RCAN1: variants seen among roughly 807,000 people sequenced by gnomAD.
RCAN1 encodes regulator of calcineurin 1.
Under a neutral mutation model 22.9 loss-of-function variants are expected in RCAN1, and 11 were observed. The ratio of observed to expected loss-of-function variants is 0.48; its 90% CI spans 0.30 to 0.79. RCAN1 has a LOEUF of 0.79. Ranked by LOEUF, RCAN1 falls within the 30% of genes least tolerant of loss-of-function variation. RCAN1 has a pLI of 0.06. For missense variants in RCAN1, 291 were observed against 337.8 expected (o/e 0.86, Z 1.09); for synonymous variants, 136 against 142.3 (o/e 0.96, Z 0.32).
chr21:34,538,360 C>T (rs1207060734), intron 1 of RCAN1, among the ~76,000 whole-genome samples: 1 of 152,120 alleles, frequency 6.6e-6, no homozygotes, highest in Non-Finnish European at 1.5e-5. Context: ...TTAAGAAACG[C>T]TCCCTGTTGG....
intron 1 of RCAN1, among the ~76,000 whole-genome samples, chr21:34,571,075 C>T (rs1359932165): frequency 3.3e-5 from 5 of 152,108 alleles, no homozygotes; most frequent in Admixed American, 1.3e-4. Flanking sequence ...AGGCAGATCA[C>T]CTGAAGTCGG....
chr21:34,539,415 G>A (rs1173111752), intron 1 of RCAN1, among the ~76,000 whole-genome samples: 6 of 152,132 alleles, frequency 3.9e-5, no homozygotes, highest in African/African-American at 7.2e-5. Context: ...ACAAAGCAAT[G>A]TTTATTGTTC....
chr21:34,531,523 C>T (rs575526726), intron 1 of RCAN1, among the ~76,000 whole-genome samples: 5 of 152,174 alleles, frequency 3.3e-5, no homozygotes, highest in Non-Finnish European at 7.3e-5. Context: ...CAACTGGCCT[C>T]GCTTGGCCTG....
intron 1 of RCAN1, among the ~76,000 whole-genome samples, chr21:34,601,471 G>T (rs1053116555): frequency 6.6e-6 from 1 of 152,154 alleles, no homozygotes; most frequent in Non-Finnish European, 1.5e-5. Context: ...GCTGTACATT[G>T]ATGTAGTTTA....
intron 1 of RCAN1, among the ~76,000 whole-genome samples, chr21:34,601,317 C>T (rs996474035): frequency 2.0e-5 from 3 of 152,184 alleles, no homozygotes; most frequent in African/African-American, 7.2e-5. Flanking sequence ...ATCCTCACAA[C>T]ACAACCCCAG....
intron 1 of RCAN1, among the ~76,000 whole-genome samples, chr21:34,610,395 ATCTC>A (rs780288886): frequency 4.4e-4 from 67 of 152,280 alleles, no homozygotes; most frequent in Admixed American, 9.8e-4. Context: ...CAAATGCCCC[ATCTC>A]CTGGTCTGTG....
intron 1 of RCAN1, among the ~76,000 whole-genome samples, chr21:34,612,633 G>A (rs889147033): frequency 6.6e-6 from 1 of 152,238 alleles, no homozygotes; most frequent in African/African-American, 2.4e-5. Context: ...GCTGTCCTTT[G>A]AGTTCTGCCA....
At chr21:34,613,220 C>G (rs550772427) in intron 1 of RCAN1, among the ~76,000 whole-genome samples, 1 of 152,214 alleles carries the variant, frequency 6.6e-6, no homozygotes, top group South Asian at 2.1e-4. Flanking sequence ...AATCTCCCCT[C>G]CACTCCCAGA....
chr21:34,555,070 G>A (rs1986507031), intron 1 of RCAN1, among the ~76,000 whole-genome samples: 1 of 152,232 alleles, frequency 6.6e-6, no homozygotes, highest in Non-Finnish European at 1.5e-5. Flanking sequence ...GGAATGCAGA[G>A]ATGTGCTAAA....
intron 1 of RCAN1, among the ~76,000 whole-genome samples, chr21:34,596,717 A>G (rs752319153): frequency 1.3e-5 from 2 of 152,244 alleles, no homozygotes; most frequent in Non-Finnish European, 2.9e-5. Flanking sequence ...ACACCAACAC[A>G]GTACCTCAGG....
chr21:34,563,794 T>TAGAGAGAGAGAGAGAGAG (rs60116779), intron 1 of RCAN1, among the ~76,000 whole-genome samples: 1 of 48,722 alleles, frequency 2.1e-5, no homozygotes, highest in African/African-American at 8.4e-5. Flanking sequence ...TATATATATA[T>TAGAGAGAGAGAGAGAGAG]AGAGAGAGAG....
At chr21:34,604,474 C>T (rs1006291521) in intron 1 of RCAN1, among the ~76,000 whole-genome samples, 2 of 152,134 alleles carry the variant, frequency 1.3e-5, no homozygotes, top group Admixed American at 6.6e-5. Flanking sequence ...GGGGTCATCT[C>T]AGATCAGTAC....
At chr21:34,589,158 T>C (rs1987892490) in intron 1 of RCAN1, among the ~76,000 whole-genome samples, 1 of 152,252 alleles carries the variant, frequency 6.6e-6, no homozygotes, top group African/African-American at 2.4e-5. Flanking sequence ...AATTTTAAGT[T>C]ATGTGCATTT....
At chr21:34,610,144 C>T (rs548597779) in intron 1 of RCAN1, among the ~76,000 whole-genome samples, 3 of 152,208 alleles carry the variant, frequency 2.0e-5, no homozygotes, top group Admixed American at 2.0e-4. Flanking sequence ...TATGCTACAA[C>T]AGACTGGCTT....
intron 1 of RCAN1, among the ~76,000 whole-genome samples, chr21:34,570,905 G>C (rs1430787244): frequency 6.6e-6 from 1 of 152,080 alleles, no homozygotes; most frequent in Non-Finnish European, 1.5e-5. Context: ...ATTGACTCAA[G>C]CAAGTTGCAA....
intron 1 of RCAN1, among the ~76,000 whole-genome samples, chr21:34,541,008 G>A (rs549671496): frequency 1.3e-5 from 2 of 152,196 alleles, no homozygotes; most frequent in East Asian, 3.9e-4. Context: ...AGCTCACAGT[G>A]AAATCAATCA....
At chr21:34,596,233 C>T (rs1357763322) in intron 1 of RCAN1, among the ~76,000 whole-genome samples, 1 of 152,214 alleles carries the variant, frequency 6.6e-6, no homozygotes, top group African/African-American at 2.4e-5. Context: ...TTCTTAACCT[C>T]TAAGCTCCAA....
At chr21:34,593,775 A>G (rs1221947344) in intron 1 of RCAN1, among the ~76,000 whole-genome samples, 1 of 152,188 alleles carries the variant, frequency 6.6e-6, no homozygotes, top group Non-Finnish European at 1.5e-5. Context: ...TTAGGAAATA[A>G]ACAAGTGGAA....
At chr21:34,560,873 T>C (rs766857187) in intron 1 of RCAN1, among the ~76,000 whole-genome samples, 1 of 152,192 alleles carries the variant, frequency 6.6e-6, no homozygotes, top group Non-Finnish European at 1.5e-5. Context: ...CCATTCTGAC[T>C]ATACTCTTAC....
Sources: allele counts gnomAD v4.1 joint callset (sites outside exome capture counted in the v4.1 genomes callset), GRCh38; gene constraint gnomAD v4.1.1; transcripts MANE v1.5; gene names NCBI Gene and HGNC (gene_info 2026-07-23, HGNC 2026-07-21).